The following LDAH variants were observed in gnomAD, a reference collection of about 807,000 sequenced individuals.
LDAH encodes lipid droplet-associated hydrolase.
A neutral mutation model predicts 29.6 loss-of-function variants in LDAH; 26 were observed. The ratio of observed to expected loss-of-function variants is 0.88; its 90% CI spans 0.64 to 1.22. The LOEUF (loss-of-function observed/expected upper bound fraction) is 1.22, where lower values mean the gene tolerates loss of function less well. Ranked by LOEUF, LDAH falls within the 50% of genes most tolerant of loss-of-function variation. The pLI, the probability that LDAH is intolerant of heterozygous loss-of-function variation, is 0.00. For missense variants in LDAH, 344 were observed against 387.3 expected, an observed-to-expected ratio of 0.89 and a Z score of 0.94; for synonymous variants, 117 against 133.0, an observed-to-expected ratio of 0.88 and a Z score of 0.83.
At chr2:20,810,192 T>A (rs1202228122) in intron 1 of LDAH, among the ~76,000 whole-genome samples, 3 of 152,200 alleles carry the variant, frequency 2.0e-5, no homozygotes, top group African/African-American at 7.2e-5. Flanking sequence ...GCAGGAGTCA[T>A]CTGGAAGTAT....
chr2:20,803,243 G>T (rs984705676), intron 1 of LDAH, among the ~76,000 whole-genome samples: 2 of 152,150 alleles, frequency 1.3e-5, no homozygotes, highest in Admixed American at 1.3e-4. Flanking sequence ...AGTACTAGGT[G>T]CCTGCAGGGG....
intron 5 of LDAH, among the ~76,000 whole-genome samples, chr2:20,734,335 TTGTTCTC>T (rs1666628098): frequency 6.6e-6 from 1 of 152,182 alleles, no homozygotes; most frequent in African/African-American, 2.4e-5. Flanking sequence ...TGTTTTCTGT[TTGTTCTC>T]TGTCATGTCT....
chr2:20,697,307 A>G (rs1663565354), intron 6 of LDAH, among the ~76,000 whole-genome samples: 1 of 152,116 alleles, frequency 6.6e-6, no homozygotes, highest in Non-Finnish European at 1.5e-5. Flanking sequence ...AGTACCTTTG[A>G]TTCTATCTCC....
At chr2:20,752,975 G>GACA (rs3047722) in intron 4 of LDAH, among the ~76,000 whole-genome samples, 46 of 151,438 alleles carry the variant, frequency 3.0e-4, no homozygotes, top group African/African-American at 1.0e-3. Flanking sequence ...AGAAAACAAC[G>GACA]ACAACAACAA....
At chr2:20,777,494 A>G (rs943815881) in intron 3 of LDAH, among the ~76,000 whole-genome samples, 1 of 152,056 alleles carries the variant, frequency 6.6e-6, no homozygotes, top group Non-Finnish European at 1.5e-5. Context: ...GCACAATCTC[A>G]GCTCACTGCA....
intron 1 of LDAH, among the ~76,000 whole-genome samples, chr2:20,815,441 A>G (rs1469055192): frequency 6.6e-6 from 1 of 152,122 alleles, no homozygotes; most frequent in Non-Finnish European, 1.5e-5. Context: ...AGCTGAGAAA[A>G]ACCCTAAGTG....
At chr2:20,789,695 G>A (rs1056530117) in intron 3 of LDAH, among the ~76,000 whole-genome samples, 9 of 152,266 alleles carry the variant, frequency 5.9e-5, no homozygotes, top group African/African-American at 1.7e-4. Context: ...TCAGGAACCC[G>A]GCCACACAGA....
chr2:20,761,917 AAT>A (rs1486588566), intron 4 of LDAH, among the ~76,000 whole-genome samples: 4 of 152,032 alleles, frequency 2.6e-5, no homozygotes, highest in East Asian at 1.9e-4. Flanking sequence ...ATAGTGAATA[AAT>A]ATATGTCATT....
At chr2:20,820,304 C>T (rs1350211245) in intron 1 of LDAH, among the ~76,000 whole-genome samples, 6 of 152,212 alleles carry the variant, frequency 3.9e-5, no homozygotes, top group African/African-American at 1.4e-4. Context: ...CCTGCATTGC[C>T]AAGTCAGTCC....
At chr2:20,734,683 T>C (rs1315007623) in intron 5 of LDAH, among the ~76,000 whole-genome samples, 1 of 152,196 alleles carries the variant, frequency 6.6e-6, no homozygotes, top group Non-Finnish European at 1.5e-5. Flanking sequence ...TTTAGAAATC[T>C]CAAGAGAAGA....
chr2:20,695,540 C>T (rs1460293247), intron 6 of LDAH, among the ~76,000 whole-genome samples: 1 of 151,788 alleles, frequency 6.6e-6, no homozygotes, highest in African/African-American at 2.4e-5. Flanking sequence ...GCAACCTCCC[C>T]CTCCTGGGTT....
chr2:20,780,150 T>C (rs1670093350), intron 3 of LDAH, among the ~76,000 whole-genome samples: 1 of 152,186 alleles, frequency 6.6e-6, no homozygotes, highest in Non-Finnish European at 1.5e-5. Flanking sequence ...TGCATTACAG[T>C]GAAGGAGATG....
intron 4 of LDAH, among the ~76,000 whole-genome samples, chr2:20,741,584 A>G (rs1255510476): frequency 1.3e-5 from 2 of 152,156 alleles, no homozygotes; most frequent in South Asian, 2.1e-4. Context: ...ACTTCTGTCT[A>G]TTTGAGGCTT....
chr2:20,761,034 G>A (rs1262264151), intron 4 of LDAH, among the ~76,000 whole-genome samples: 2 of 152,110 alleles, frequency 1.3e-5, no homozygotes, highest in African/African-American at 4.8e-5. Flanking sequence ...ACTATTCCGA[G>A]ACCATAATAA....
rs193216264 is a variant in LDAH, at chr2:20,721,411, A to C, written c.703+18560T>G. On this transcript the variant is annotated intron_variant, in intron 5 of 6. Coordinates refer to ENST00000237822, the MANE Select transcript of LDAH (RefSeq NM_021925.4). Reference sequence around the variant, plus strand: ...TCACTATCAGGAAAATGCAAATCAAAACCAAGACTACAAATTAAGTTCACT... The same window carrying C: ...TCACTATCAGGAAAATGCAAATCAACACCAAGACTACAAATTAAGTTCACT... Among the ~76,000 whole-genome samples the C allele has an allele frequency of 2.9e-3, 442 of 152,298 alleles. 3 individuals are homozygous for C. Among genetic ancestry groups the C allele is most frequent in the African/African-American group, 0.01 (416 of 41,568 alleles).
At chr2:20,712,866 C>A (rs1664875031) in intron 5 of LDAH, among the ~76,000 whole-genome samples, 1 of 152,070 alleles carries the variant, frequency 6.6e-6, no homozygotes, top group Non-Finnish European at 1.5e-5. Flanking sequence ...ATGAACAAAG[C>A]CTCCAAGAAA....
chr2:20,801,696 T>C (rs1377224576), intron 1 of LDAH, among the ~76,000 whole-genome samples: 10 of 151,990 alleles, frequency 6.6e-5, no homozygotes, highest in Non-Finnish European at 4.4e-5. Flanking sequence ...CTTGGAAAAA[T>C]GAAAGACTAT....
chr2:20,696,028 T>C (rs896535201), intron 6 of LDAH, among the ~76,000 whole-genome samples: 2 of 152,130 alleles, frequency 1.3e-5, no homozygotes, highest in African/African-American at 4.8e-5. Context: ...CAAATAAAGC[T>C]TTCAAGGTCA....
Position 20,685,517 on chromosome 2 carries a change from C to T in LDAH, c.*1386G>A, listed in dbSNP as rs755273000. 18 of 1,547,690 alleles carry T rather than the reference C, an allele frequency of 1.2e-5. No individual in the cohort carries two copies. In the South Asian group the frequency reaches 2.0e-4, roughly 17 times the overall value. ...CACTTGCTGTGATGTAGAAGCTATG[C>T]CAAAGCACAGTAACTCATTCAGCAC... is the stretch of plus-strand genomic sequence containing the variant. On this transcript the variant is annotated 3_prime_UTR_variant, in exon 7 of 7. Transcript: ENST00000237822.
Sources: allele counts gnomAD v4.1 joint callset (sites outside exome capture counted in the v4.1 genomes callset), GRCh38; gene constraint gnomAD v4.1.1; transcripts MANE v1.5; gene names NCBI Gene and HGNC (gene_info 2026-07-23, HGNC 2026-07-21).